Variants in KLRG1 observed in about 807,000 individuals in gnomAD.
KLRG1 encodes the protein killer cell lectin-like receptor subfamily G member 1.
Under a neutral mutation model 21.8 loss-of-function variants are expected in KLRG1, and 16 were observed. The observed-to-expected ratio is 0.73, with a 90% CI of 0.50 to 1.11. KLRG1 has a LOEUF of 1.11. Among genes scored for constraint, KLRG1 ranks in the 50% most tolerant of loss-of-function variants. The probability of loss-of-function intolerance (pLI) is 0.00; values close to 1 mark genes in which losing one functional copy is unlikely to be tolerated. For synonymous variants in KLRG1, 69 were observed against 75.9 expected (o/e 0.91, Z 0.47); for missense variants, 173 against 218.3 (o/e 0.79, Z 1.31).
At chr12:9,095,730 A>G in the KLRG1 span, 1 of 1,160,948 alleles carries the variant, frequency 8.6e-7, no homozygotes, top group South Asian at 1.5e-5. Context: ...AAAAAGGCAA[A>G]CTTATTTGTG....
the KLRG1 span, chr12:9,204,052 A>G: frequency 3.4e-6 from 4 of 1,192,034 alleles, no homozygotes; most frequent in Non-Finnish European, 4.7e-6. Context: ...TGGTGCAATC[A>G]GTTTTATTCT....
the KLRG1 span, among the ~76,000 whole-genome samples, chr12:9,145,482 T>C: frequency 2.6e-5 from 4 of 152,354 alleles, no homozygotes; most frequent in East Asian, 1.9e-4. Flanking sequence ...TTTATTTTTG[T>C]GAAAATTGAT....
chr12:9,203,411 G>C, the KLRG1 span, among the ~76,000 whole-genome samples: 5 of 144,562 alleles, frequency 3.5e-5, no homozygotes, highest in Non-Finnish European at 6.0e-5. Flanking sequence ...GGGCGATCTC[G>C]GCTCACTGCA....
At chr12:9,086,735 G>A in the KLRG1 span, among the ~76,000 whole-genome samples, 1 of 152,132 alleles carries the variant, frequency 6.6e-6, no homozygotes, top group African/African-American at 2.4e-5. Context: ...AACAAGACAA[G>A]GATACCCACT....
chr12:9,060,382 A>G, the KLRG1 span, among the ~76,000 whole-genome samples: 3 of 152,148 alleles, frequency 2.0e-5, no homozygotes, highest in Admixed American at 2.0e-4. Context: ...TGGTCTTTCA[A>G]CTGCTGGGAA....
At chr12:9,042,786 A>C in the KLRG1 span, among the ~76,000 whole-genome samples, 1 of 152,212 alleles carries the variant, frequency 6.6e-6, no homozygotes, top group South Asian at 2.1e-4. Flanking sequence ...GTCAGGAAGC[A>C]GTTTGATATT....
chr12:8,958,074 T>G (rs906548404), intron 1 of KLRG1, among the ~76,000 whole-genome samples: 2 of 152,158 alleles, frequency 1.3e-5, no homozygotes. Flanking sequence ...TATTTTTAAA[T>G]TTTTTTAGAG....
rs1038972309 is a variant in KLRG1, at chr12:8,992,256, C to A, written c.133C>A (p.Leu45Ile). Residue 45 changes from leucine (L) to isoleucine (I), a missense_variant, in exon 2 of 5, where the codon CTT (leucine) becomes ATT (isoleucine). Transcript: ENST00000356986. ...CSCLVAIALG[L>I]LTAVLLSVLL... Reference sequence around the variant, plus strand: ...TTGCCTTGTGGCAATAGCTTTGGGGCTTCTGACTGCAGTTCTTCTGAGTGT... The same window carrying A: ...TTGCCTTGTGGCAATAGCTTTGGGGATTCTGACTGCAGTTCTTCTGAGTGT... 18 of 1,613,818 alleles carry A rather than the reference C, an allele frequency of 1.1e-5. No homozygotes were observed. Among genetic ancestry groups the A allele is most frequent in the Non-Finnish European group, 3.4e-6 (4 of 1,179,910 alleles).
At chr12:9,142,636 T>C in the KLRG1 span, among the ~76,000 whole-genome samples, 1 of 152,200 alleles carries the variant, frequency 6.6e-6, no homozygotes, top group African/African-American at 2.4e-5. Context: ...CTAACACATA[T>C]ATAGCCACAC....
At chr12:8,977,564 A>G (rs1260768648) in intron 1 of KLRG1, among the ~76,000 whole-genome samples, 1 of 151,766 alleles carries the variant, frequency 6.6e-6, no homozygotes, top group Non-Finnish European at 1.5e-5. Context: ...TTGATTGGGG[A>G]TTTTATTTAC....
At chr12:9,201,278 C>A in the KLRG1 span, 2 of 1,466,096 alleles carry the variant, frequency 1.4e-6, no homozygotes, top group Non-Finnish European at 1.9e-6. Context: ...GAACCTCCTA[C>A]TCTCTAAAAG....
At chr12:9,162,492 G>T in the KLRG1 span, 1 of 809,482 alleles carries the variant, frequency 1.2e-6, no homozygotes. Flanking sequence ...TGACTTTCAT[G>T]GAACACTCTG....
At chr12:9,152,214 AC>A in the KLRG1 span, 1 of 1,573,188 alleles carries the variant, frequency 6.4e-7, no homozygotes, top group East Asian at 2.2e-5. Context: ...ATTAAAATAC[AC>A]CTACCATTTT....
intron 1 of KLRG1, among the ~76,000 whole-genome samples, chr12:8,983,815 T>C (rs143879136): frequency 1.3e-5 from 2 of 152,354 alleles, no homozygotes; most frequent in African/African-American, 4.8e-5. Context: ...TTTATTTTCC[T>C]CTGGCTGTTT....
At chr12:8,989,536 C>A, upstream of KLRG1, 1 of 723,790 alleles carries the variant, frequency 1.4e-6, no homozygotes, top group Non-Finnish European at 2.4e-6. Flanking sequence ...AAGTTTCCTG[C>A]TAGCAGTTTA....
chr12:9,103,808 A>G, the KLRG1 span, among the ~76,000 whole-genome samples: 4 of 152,138 alleles, frequency 2.6e-5, no homozygotes, highest in African/African-American at 9.7e-5. Context: ...TTACCTGTTC[A>G]TCCCTTGATG....
chr12:9,176,785 G>A, the KLRG1 span, among the ~76,000 whole-genome samples: 2 of 152,192 alleles, frequency 1.3e-5, no homozygotes, highest in African/African-American at 4.8e-5. Flanking sequence ...AGTGTCAATA[G>A]TGATTATTCT....
chr12:9,196,535 A>AT, the KLRG1 span: 1 of 1,576,078 alleles, frequency 6.3e-7, no homozygotes. Flanking sequence ...AAAGTAAACT[A>AT]TTGTTTTATT....
At chr12:8,953,053 C>G (rs1015161554) in intron 1 of KLRG1, among the ~76,000 whole-genome samples, 1 of 151,944 alleles carries the variant, frequency 6.6e-6, no homozygotes, top group African/African-American at 2.4e-5. Flanking sequence ...TGACACCCCC[C>G]CCCCGCAAAA....
Sources: allele counts gnomAD v4.1 joint callset (sites outside exome capture counted in the v4.1 genomes callset), GRCh38; gene constraint gnomAD v4.1.1; transcripts MANE v1.5; gene names NCBI Gene and HGNC (gene_info 2026-07-23, HGNC 2026-07-21).